SORBS2: variants seen among roughly 807,000 people sequenced by gnomAD.
SORBS2 encodes sorbin and SH3 domain containing 2.
A neutral mutation model predicts 97.7 loss-of-function variants in SORBS2; 46 were observed. That is an observed-to-expected ratio of 0.47 (90% CI 0.37 to 0.60). The LOEUF is 0.60. Among genes scored for constraint, SORBS2 ranks in the 20% least tolerant of loss-of-function variants. SORBS2 has a pLI of 0.00. For synonymous variants in SORBS2, 476 were observed against 473.4 expected, an observed-to-expected ratio of 1.01 and a Z score of -0.07; for missense variants, 1,316 against 1,282.3, an observed-to-expected ratio of 1.03 and a Z score of -0.40.
At chr4:185,953,737 G>A (rs1455605327) in intron 1 of SORBS2, among the ~76,000 whole-genome samples, 2 of 152,182 alleles carry the variant, frequency 1.3e-5, no homozygotes, top group African/African-American at 4.8e-5. Context: ...CCAGTGAGGT[G>A]GGAATCGATT....
chr4:185,804,556 A>G (rs1004571515), intron 1 of SORBS2, among the ~76,000 whole-genome samples: 2 of 152,250 alleles, frequency 1.3e-5, no homozygotes, highest in Admixed American at 1.3e-4. Flanking sequence ...TGTTTCTGAG[A>G]AATTCCAATG....
intron 1 of SORBS2, among the ~76,000 whole-genome samples, chr4:185,943,778 A>G (rs771229473): frequency 2.0e-5 from 3 of 152,248 alleles, no homozygotes; most frequent in East Asian, 1.9e-4. Context: ...TCTTAGTTGT[A>G]TTATAAAATT....
chr4:185,654,417 A>G (rs116422409), intron 1 of SORBS2, among the ~76,000 whole-genome samples: 154 of 152,336 alleles, frequency 1.0e-3, no homozygotes, highest in African/African-American at 3.6e-3. Flanking sequence ...GCTGATGGCA[A>G]CAAGGAAGCC....
Position 185,593,713 on chromosome 4 carries a change from T to C in SORBS2, c.2846+173A>G, listed in dbSNP as rs139286014. Reference sequence around the variant, plus strand: ...ACTATGGGTTCTTTTAAAAATTAGTTTCTGGTCACTGTCATAAAAGATGGA... The same window carrying C: ...ACTATGGGTTCTTTTAAAAATTAGTCTCTGGTCACTGTCATAAAAGATGGA... On this transcript the variant is annotated intron_variant, in intron 13 of 14. Coordinates refer to ENST00000418609, the Ensembl canonical transcript of SORBS2. 14 of 562,904 alleles carry C rather than the reference T, an allele frequency of 2.5e-5. No homozygotes were observed. The East Asian group carries it at 3.6e-4, about 15-fold the overall frequency. The allele number at this position is 562,904 out of a possible 1,614,324, so 34.9% of individuals were successfully genotyped here. A position where few individuals can be genotyped will look rare whatever the true frequency, so the allele number is the denominator to read the frequency against.
intron 12 of SORBS2, 121 bp from the exon 25 acceptor site, chr4:185,594,056 G>A: frequency 1.4e-4 from 91 of 662,446 alleles, no homozygotes; most frequent in South Asian, 3.6e-4. Flanking sequence ...AAAACCAAGA[G>A]GAAGAAAAAA....
intron 1 of SORBS2, among the ~76,000 whole-genome samples, chr4:185,793,872 T>C (rs1003709470): frequency 2.6e-5 from 4 of 152,194 alleles, no homozygotes; most frequent in African/African-American, 7.2e-5. Flanking sequence ...GGTTGAAAGA[T>C]ATGGAGTCAC....
chr4:185,628,920 C>T (rs1581319850), intron 5 of SORBS2, among the ~76,000 whole-genome samples: 1 of 152,204 alleles, frequency 6.6e-6, no homozygotes, highest in South Asian at 2.1e-4. Context: ...ATGAATGAAG[C>T]CACATATGGC....
intron 1 of SORBS2, among the ~76,000 whole-genome samples, chr4:185,824,349 C>G (rs1481519433): frequency 1.3e-5 from 2 of 152,182 alleles, no homozygotes; most frequent in Non-Finnish European, 2.9e-5. Flanking sequence ...TTTCTCTTTT[C>G]TTATAAGGAC....
intron 1 of SORBS2, among the ~76,000 whole-genome samples, chr4:185,855,247 G>C (rs1028672653): frequency 2.0e-5 from 3 of 152,152 alleles, no homozygotes; most frequent in Non-Finnish European, 4.4e-5. Flanking sequence ...GGTTTATGAA[G>C]AGTTCATTTG....
chr4:185,669,636 A>G (rs144165294), intron 4 of SORBS2, among the ~76,000 whole-genome samples: 1 of 152,282 alleles, frequency 6.6e-6, no homozygotes, highest in Non-Finnish European at 1.5e-5. Flanking sequence ...ATTGAGATAA[A>G]TTCTGTTTCA....
intron 1 of SORBS2, among the ~76,000 whole-genome samples, chr4:185,791,950 G>A (rs1427239749): frequency 6.6e-6 from 1 of 152,182 alleles, no homozygotes; most frequent in East Asian, 1.9e-4. Context: ...TGGCATTGAA[G>A]ATCAAGTTGG....
At position 185,623,183 on chromosome 4, in the gene SORBS2, T is replaced by A. The variant is rs886772596; in HGVS notation, c.1946A>T (p.Glu649Val). Residue 649 changes from glutamate (E) to valine (V), a missense_variant, in exon 7 of 15, where the codon GAA (glutamate) becomes GTA (valine). Coordinates refer to ENST00000418609, the Ensembl canonical transcript of SORBS2. The surrounding 1 kb of genome is among the most constrained non-coding windows in gnomAD (Gnocchi z 6.4). ...GTCCGGCAAGCTCCCCCTTTTCTTT[T>A]CAGCTTTAATTTGGTCACAGATGTC... The A allele has an allele frequency of 9.9e-6, 16 of 1,614,112 alleles. No homozygotes were observed. Among genetic ancestry groups the A allele is most frequent in the Non-Finnish European group, 1.3e-5 (15 of 1,180,020 alleles).
intron 1 of SORBS2, among the ~76,000 whole-genome samples, chr4:185,788,206 G>A (rs1209552102): frequency 6.6e-6 from 1 of 152,204 alleles, no homozygotes; most frequent in Non-Finnish European, 1.5e-5. Flanking sequence ...GTTCGCAATC[G>A]TAGACTCATT....
chr4:185,901,994 ATAAAG>A lies in SORBS2; in HGVS notation c.-338+54197_-338+54201del, dbSNP rs562842281. On this transcript the variant is annotated intron_variant, in intron 1 of 20. Transcript: ENST00000284776. ...ATGAAATAGCAGCCCCTTAGTAAAA[ATAAAG>A]TATAGAAATCATAAGAAAGATCTAC... Among the ~76,000 whole-genome samples, 470 of 152,338 alleles carry A rather than the reference ATAAAG, an allele frequency of 3.1e-3. 2 individuals carry two copies. Among genetic ancestry groups the A allele is most frequent in the African/African-American group, 0.011 (450 of 41,592 alleles).
intron 2 of SORBS2, among the ~76,000 whole-genome samples, chr4:185,711,818 G>C (rs1457765399): frequency 6.6e-6 from 1 of 152,052 alleles, no homozygotes; most frequent in Non-Finnish European, 1.5e-5. Context: ...GGCCAGACTT[G>C]GTATATCAGC....
chr4:185,714,364 T>C (rs150696722), intron 2 of SORBS2, among the ~76,000 whole-genome samples: 1 of 152,344 alleles, frequency 6.6e-6, no homozygotes, highest in Non-Finnish European at 1.5e-5. Flanking sequence ...CAGGTTTATA[T>C]ACTGAGTTTC....
In SORBS2 at chr4:185,712,811, T is replaced by C. The variant is rs376152029; in HGVS notation, c.-197-33989A>G. The stretch of plus-strand genomic sequence containing the variant: ...AGTTGAGAGGGGCAGGCTGAGTAAA[T>C]GAGGCACCCCCCTCGCAAGTGCCGT... On this transcript the variant is annotated intron_variant, in intron 2 of 20. Transcript: ENST00000284776. 1.6e-4 allele frequency among the ~76,000 whole-genome samples: 24 copies of C among 152,238 alleles called. No homozygotes were observed. The South Asian group carries it at 3.9e-3, about 25-fold the overall frequency.
At chr4:185,862,118 A>C (rs2099224151) in intron 1 of SORBS2, among the ~76,000 whole-genome samples, 1 of 152,200 alleles carries the variant, frequency 6.6e-6, no homozygotes, top group Admixed American at 6.5e-5. Context: ...AAATTGAATA[A>C]AAAACAGTGT....
At chr4:185,585,965 C>G (rs1182525452) in exon 15 of SORBS2, 3 of 152,518 alleles carry the variant, frequency 2.0e-5, no homozygotes, top group Non-Finnish European at 2.9e-5. Flanking sequence ...CTGACAGAAT[C>G]ACACTATCTA....
Sources: allele counts gnomAD v4.1 joint callset (sites outside exome capture counted in the v4.1 genomes callset), GRCh38; gene constraint gnomAD v4.1.1; non-coding constraint Gnocchi (gnomAD v3.1); transcripts MANE v1.5; gene names NCBI Gene and HGNC (gene_info 2026-07-23, HGNC 2026-07-21).